ARHGEF10: variants seen among roughly 807,000 people sequenced by gnomAD.
ARHGEF10 encodes Rho guanine nucleotide exchange factor (GEF) 10.
Under a neutral mutation model 147.4 loss-of-function variants are expected in ARHGEF10, and 140 were observed. That is an observed-to-expected ratio of 0.95 (90% confidence interval 0.83 to 1.09). The LOEUF (loss-of-function observed/expected upper bound fraction) is 1.09, where lower values mean the gene tolerates loss of function less well. Ranked by LOEUF, ARHGEF10 falls within the 50% of genes least tolerant of loss-of-function variation. The probability of loss-of-function intolerance (pLI) is 0.00; values close to 1 mark genes in which losing one functional copy is unlikely to be tolerated. For synonymous variants in ARHGEF10, 902 were observed against 695.8 expected (o/e 1.30, Z -4.67); for missense variants, 2,222 against 1,752.7 (o/e 1.27, Z -4.78).
Position 1,957,548 on chromosome 8 carries a change from G to T in ARHGEF10, c.*285G>T. On this transcript the variant is annotated 3_prime_UTR_variant, in exon 29 of 29. Transcript: ENST00000349830. ...GGAAAATACCACATTCTTTTTGACTGCTGTAGTCCATATGTGAATACTAAA... is the reference window on the plus strand; with the variant it reads ...GGAAAATACCACATTCTTTTTGACTTCTGTAGTCCATATGTGAATACTAAA... 1.8e-6 allele frequency: 1 copy of T among 542,742 alleles called. No individual in the cohort carries two copies. 33.6% of individuals were successfully genotyped at this position (542,742 alleles called of 1,614,324 possible).
chr8:1,916,481 C>G (rs944230286), intron 18 of ARHGEF10, among the ~76,000 whole-genome samples: 1 of 152,196 alleles, frequency 6.6e-6, no homozygotes, highest in African/African-American at 2.4e-5. Context: ...AAAAACCAAA[C>G]TGGATTTTAG....
At chr8:1,956,721 A>T (rs779627381) in intron 28 of ARHGEF10, 28 bp from the exon 29 acceptor site, 1 of 1,613,302 alleles carries the variant, frequency 6.2e-7, no homozygotes, top group African/African-American at 1.3e-5. Context: ...ATTTTAAAAG[A>T]CAGCTGTTGA....
intron 17 of ARHGEF10, among the ~76,000 whole-genome samples, chr8:1,908,682 A>G (rs1811110401): frequency 6.6e-6 from 1 of 152,190 alleles, no homozygotes; most frequent in Non-Finnish European, 1.5e-5. Flanking sequence ...TCCGCTACAC[A>G]GATGTTGGCG....
intron 8 of ARHGEF10, among the ~76,000 whole-genome samples, chr8:1,878,599 G>C (rs776528485): frequency 1.3e-5 from 2 of 152,214 alleles, no homozygotes; most frequent in South Asian, 2.1e-4. Flanking sequence ...TGACATCACA[G>C]ATGGAGGCTC....
rs1563260749 is a variant in ARHGEF10 at position 1,903,267 on chromosome 8, CCT to C, written c.1651-13_1651-12del. ...CCACGTGGTAACTGCCCACCTCTCC[CCT>C]GTTGCTTGTAGGACATGCTGAAGAA... On this transcript the variant is annotated splice_polypyrimidine_tract_variant and intron_variant, in intron 15 of 28. Transcript: ENST00000349830. 6.2e-7 allele frequency: 1 copy of C among 1,614,040 alleles called. No individual in the cohort carries two copies. The highest frequency in any genetic ancestry group is 1.1e-5 in the South Asian group (1 of 91,078).
chr8:1,879,969 G>T, intron 8 of ARHGEF10, 79 bp from the exon 9 acceptor site: 1 of 1,008,328 alleles, frequency 9.9e-7, no homozygotes, highest in Non-Finnish European at 1.6e-6. Flanking sequence ...GACGCTGCCA[G>T]CATCCTCTCA....
intron 28 of ARHGEF10, among the ~76,000 whole-genome samples, chr8:1,954,442 C>A (rs1815314857): frequency 6.6e-6 from 1 of 151,266 alleles, no homozygotes; most frequent in Non-Finnish European, 1.5e-5. Flanking sequence ...GGATGCTCAA[C>A]CGGCAAGTGC....
At chr8:1,873,050 G>C (rs10453149) in intron 7 of ARHGEF10, among the ~76,000 whole-genome samples, 2,051 of 152,334 alleles carry the variant, frequency 0.013, 50 homozygotes, top group African/African-American at 0.047. Flanking sequence ...CACACTGCGG[G>C]AGTCCAGCCG....
intron 1 of ARHGEF10, among the ~76,000 whole-genome samples, chr8:1,834,148 TG>T (rs1415296510): frequency 6.6e-6 from 1 of 152,010 alleles, no homozygotes; most frequent in Non-Finnish European, 1.5e-5. Flanking sequence ...GTGGATACTG[TG>T]GTGGCCGGTC....
chr8:1,916,711 C>T (rs1811786939), intron 18 of ARHGEF10, among the ~76,000 whole-genome samples: 1 of 152,166 alleles, frequency 6.6e-6, no homozygotes, highest in South Asian at 2.1e-4. Flanking sequence ...TAGAGAAATT[C>T]AATTTGTGCC....
chr8:1,949,147 A>C (rs1814826690), intron 27 of ARHGEF10, among the ~76,000 whole-genome samples: 1 of 152,228 alleles, frequency 6.6e-6, no homozygotes. Flanking sequence ...AATTTGAAAA[A>C]AACAAACTGT....
At chr8:1,836,808 C>G (rs945782789) in intron 1 of ARHGEF10, among the ~76,000 whole-genome samples, 4 of 152,116 alleles carry the variant, frequency 2.6e-5, no homozygotes, top group African/African-American at 9.7e-5. Flanking sequence ...GGGAGGTAAC[C>G]GAATCATCAG....
At chr8:1,849,238 CTG>C (rs1563171597) in intron 2 of ARHGEF10, among the ~76,000 whole-genome samples, 1 of 152,114 alleles carries the variant, frequency 6.6e-6, no homozygotes, top group Non-Finnish European at 1.5e-5. Context: ...TGTGGGGCGG[CTG>C]CGGGGACACA....
chr8:1,955,662 T>C (rs1815505147), intron 28 of ARHGEF10, among the ~76,000 whole-genome samples: 1 of 152,166 alleles, frequency 6.6e-6, no homozygotes, highest in Non-Finnish European at 1.5e-5. Flanking sequence ...TCACTGTTTC[T>C]CTGGATGGGT....
At chr8:1,843,250 T>G in intron 1 of ARHGEF10, 103 bp from the exon 2 acceptor site, 1 of 804,668 alleles carries the variant, frequency 1.2e-6, no homozygotes, top group Non-Finnish European at 2.1e-6. Context: ...GTAATGACAG[T>G]TAGCTCTTCC....
chr8:1,848,223 G>T (rs535603815), intron 2 of ARHGEF10, among the ~76,000 whole-genome samples: 1 of 152,340 alleles, frequency 6.6e-6, no homozygotes, highest in East Asian at 1.9e-4. Flanking sequence ...AGGTACGCGG[G>T]GTCCTCCGTC....
chr8:1,835,552 C>T (rs1031805503), intron 1 of ARHGEF10, among the ~76,000 whole-genome samples: 3 of 152,218 alleles, frequency 2.0e-5, no homozygotes, highest in African/African-American at 4.8e-5. Flanking sequence ...CTAGCACGCT[C>T]ATGCCGTCCC....
intron 27 of ARHGEF10, among the ~76,000 whole-genome samples, chr8:1,946,264 GCTT>G (rs1242437615): frequency 6.6e-6 from 1 of 152,234 alleles, no homozygotes; most frequent in East Asian, 1.9e-4. Context: ...GGGCTGTTTT[GCTT>G]CTTTGCCTGC....
chr8:1,928,367 G>A, intron 23 of ARHGEF10, 60 bp from the exon 24 acceptor site: 2 of 1,514,114 alleles, frequency 1.3e-6, no homozygotes, highest in Non-Finnish European at 1.8e-6. Flanking sequence ...TCAGGTTCCA[G>A]CGTATTATGG....
Sources: allele counts gnomAD v4.1 joint callset (sites outside exome capture counted in the v4.1 genomes callset), GRCh38; gene constraint gnomAD v4.1.1; transcripts MANE v1.5; gene names NCBI Gene and HGNC (gene_info 2026-07-23, HGNC 2026-07-21).